ZSWIM4: variants seen among roughly 807,000 people sequenced by gnomAD.
The protein encoded by ZSWIM4 is zinc finger SWIM domain-containing protein 4.
In ZSWIM4, 62 loss-of-function variants were observed where a neutral mutation model predicts 102.5. That is an observed-to-expected ratio of 0.60 (90% confidence interval 0.49 to 0.75). The LOEUF (loss-of-function observed/expected upper bound fraction) is 0.75, where lower values mean the gene tolerates loss of function less well. ZSWIM4 is among the 30% of genes least tolerant of loss of function. The probability of loss-of-function intolerance (pLI) is 0.00; values close to 1 mark genes in which losing one functional copy is unlikely to be tolerated. For synonymous variants in ZSWIM4, 652 were observed against 674.5 expected (o/e 0.97, Z 0.52); for missense variants, 1,280 against 1,529.6 (o/e 0.84, Z 2.72).
chr19:13,795,791 C>A lies in ZSWIM4; in HGVS notation c.143C>A (p.Ala48Asp). Residue 48 changes from alanine to aspartate, a missense_variant, in exon 1 of 14, where the codon GCC becomes GAC. Transcript: ENST00000590508. ...GCCAAGCGGGTAGCCGAGAGCTGGG[C>A]CTTCGAGCAGGTGACCGCGGGGGAA... ...LSAKRVAESW[A>D]FEQVEERFSR... 2 of 1,251,884 alleles carry A rather than the reference C, an allele frequency of 1.6e-6. No individual in the cohort carries two copies. Among genetic ancestry groups the A allele is most frequent in the Non-Finnish European group, 2.0e-6 (2 of 997,560 alleles). The allele number at this position is 1,251,884 out of a possible 1,614,324, so 77.5% of individuals were successfully genotyped here. A position where few individuals can be genotyped will look rare whatever the true frequency, so the allele number is the denominator to read the frequency against.
In ZSWIM4 at chr19:13,808,993, CG is replaced by C; in HGVS notation, c.861+12del. ...GCTCCATGTTCAGCAAGGTGCCGTGCGGGCCGGCGGGGCGCGGGGTGCAGAA... is the reference window on the plus strand; with the variant it reads ...GCTCCATGTTCAGCAAGGTGCCGTGCGGCCGGCGGGGCGCGGGGTGCAGAA... On this transcript the variant is annotated intron_variant, in intron 4 of 13. Transcript: ENST00000590508. The C allele has an allele frequency of 6.2e-7, 1 of 1,609,656 alleles. No individual in the cohort carries two copies. The highest frequency in any genetic ancestry group is 2.2e-5 in the East Asian group (1 of 44,712).
rs954664029 is a variant in ZSWIM4 at position 13,808,705 on chromosome 19, C to G, written c.713-131C>G. 9.8e-6 allele frequency: 10 copies of G among 1,022,118 alleles called. No individual in the cohort carries two copies. The Admixed American group carries it at 1.5e-4, about 15-fold the overall frequency. The allele number at this position is 1,022,118 out of a possible 1,614,324, so 63.3% of individuals were successfully genotyped here. On this transcript the variant is annotated intron_variant, in intron 3 of 13. Coordinates refer to ENST00000590508, the MANE Select transcript of ZSWIM4 (RefSeq NM_001367834.3). ...AGTGAGCGAAGATCGTGCTACAGCA[C>G]TCCAGCCTGGGCAAGAAGAGCCAAA...
At position 13,805,118 on chromosome 19, in the gene ZSWIM4, C is replaced by T. The variant is rs1338502140; in HGVS notation, c.682C>T (p.Leu228=). The T allele has an allele frequency of 1.9e-6, 3 of 1,599,642 alleles. No individual in the cohort carries two copies. The African/African-American group carries it at 4.0e-5, about 21-fold the overall frequency. ...TCAGCGCTTGGCTGATGAGATCCTCCTGCTGGGCTCCGAGATCAACTTGGT... is the reference window on the plus strand; with the variant it reads ...TCAGCGCTTGGCTGATGAGATCCTCTTGCTGGGCTCCGAGATCAACTTGGT... ...TAQRLADEIL[L]LGSEINLVNG... The change falls in exon 3 of 14, where the codon CTG becomes TTG. Residue 228 remains leucine, a synonymous_variant. Coordinates refer to ENST00000590508, the MANE Select transcript of ZSWIM4 (RefSeq NM_001367834.3).
At chr19:13,821,120 C>T (rs1252363686) in intron 10 of ZSWIM4, among the ~76,000 whole-genome samples, 2 of 151,992 alleles carry the variant, frequency 1.3e-5, no homozygotes, top group African/African-American at 4.8e-5. Flanking sequence ...CCTATCTCTA[C>T]TAAAAATACA....
chr19:13,798,882 G>A (rs1599576219), intron 1 of ZSWIM4, among the ~76,000 whole-genome samples: 1 of 152,210 alleles, frequency 6.6e-6, no homozygotes, highest in African/African-American at 2.4e-5. Flanking sequence ...TCCGCCTCCC[G>A]GGTTCAAGTG....
chr19:13,811,505 G>A (rs922539040), intron 5 of ZSWIM4, among the ~76,000 whole-genome samples: 11 of 151,834 alleles, frequency 7.2e-5, no homozygotes, highest in South Asian at 2.1e-4. Flanking sequence ...ACTCCAGCCC[G>A]GGCAACAGAG....
intron 2 of ZSWIM4, among the ~76,000 whole-genome samples, chr19:13,803,544 G>A (rs892293024): frequency 1.3e-5 from 2 of 151,974 alleles, no homozygotes; most frequent in East Asian, 3.9e-4. Flanking sequence ...CACTTTGGGA[G>A]GCCGAGGCGG....
rs1263958593 is a variant in ZSWIM4 at position 13,809,419 on chromosome 19, C to T, written c.1012+199C>T. Among the ~76,000 whole-genome samples the T allele has an allele frequency of 6.6e-6, 1 of 152,260 alleles. No homozygotes were observed. The highest frequency in any genetic ancestry group is 1.5e-5 in the Non-Finnish European group (1 of 68,048). On this transcript the variant is annotated intron_variant, in intron 5 of 13. Transcript: ENST00000590508. This position sits in a 1 kb window ranked among gnomAD's most constrained non-coding sequence, Gnocchi z 4.2. Reference sequence around the variant, plus strand: ...AACAAGAGAGTCAAAATCCTGTTCACGTGGATCTGACAGGAGGCACAGGCA... The same window carrying T: ...AACAAGAGAGTCAAAATCCTGTTCATGTGGATCTGACAGGAGGCACAGGCA...
At chr19:13,808,173 C>G (rs1974969496) in intron 3 of ZSWIM4, among the ~76,000 whole-genome samples, 1 of 152,140 alleles carries the variant, frequency 6.6e-6, no homozygotes, top group Non-Finnish European at 1.5e-5. Context: ...AGTCACCTCC[C>G]TCCATGCCCC....
Position 13,804,966 on chromosome 19 carries a change from G to C in ZSWIM4, c.530G>C (p.Arg177Pro). 6.2e-7 allele frequency: 1 copy of C among 1,613,046 alleles called. No individual in the cohort carries two copies. ...GTGGCCCTGTCCCTGTACCGCATTC[G>C]GCACGCCCACCAGGTGGAGCTGCGG... is the stretch of plus-strand genomic sequence containing the variant. ...HVVALSLYRI[R>P]HAHQVELRLP... Residue 177 changes from arginine (R) to proline (P), a missense_variant, in exon 3 of 14, where the codon CGG becomes CCG. Transcript: ENST00000590508.
At chr19:13,813,501 T>G in intron 6 of ZSWIM4, among the ~76,000 whole-genome samples, 1 of 148,124 alleles carries the variant, frequency 6.8e-6, no homozygotes, top group South Asian at 2.1e-4. Context: ...AAGGGGAAAG[T>G]GAGATATTGA....
Position 13,808,931 on chromosome 19 carries a change from T to A in ZSWIM4, c.808T>A (p.Ser270Thr). 6.2e-7 allele frequency: 1 copy of A among 1,611,018 alleles called. No individual in the cohort carries two copies. Among genetic ancestry groups the A allele is most frequent in the South Asian group, 1.1e-5 (1 of 90,682 alleles). Reference protein sequence around the residue: ...QIQEQVKQLLSNGGYYGASQQ... With the variant: ...QIQEQVKQLLTNGGYYGASQQ... Reference sequence around the variant, plus strand: ...CCAGGAGCAGGTGAAGCAGCTACTGTCCAATGGCGGCTACTACGGGGCCAG... The same window carrying A: ...CCAGGAGCAGGTGAAGCAGCTACTGACCAATGGCGGCTACTACGGGGCCAG... The change falls in exon 4 of 14, where the codon TCC becomes ACC. Residue 270 changes from serine to threonine, a missense_variant. Transcript: ENST00000590508.
rs549065070 is a variant in ZSWIM4, at chr19:13,825,121, C to A, written c.2216-429C>A. Among the ~76,000 whole-genome samples, 1 of 151,324 alleles carries A rather than the reference C, an allele frequency of 6.6e-6. No individual in the cohort carries two copies. Among genetic ancestry groups the A allele is most frequent in the Non-Finnish European group, 1.5e-5 (1 of 67,912 alleles). On this transcript the variant is annotated intron_variant, in intron 11 of 13. Transcript: ENST00000590508. This position sits in a 1 kb window ranked among gnomAD's most constrained non-coding sequence, Gnocchi z 4.6. ...GTGGTGCCATCTCAGCTGACTGCAA[C>A]CTCTGCCTCCCGGGTTCAAGCGATT...
intron 13 of ZSWIM4, among the ~76,000 whole-genome samples, chr19:13,829,542 G>C (rs972642214): frequency 2.0e-5 from 3 of 152,264 alleles, no homozygotes; most frequent in Non-Finnish European, 4.4e-5. Flanking sequence ...AGTGAGCCGA[G>C]AACTCACTAC....
In ZSWIM4 at chr19:13,809,073, C is replaced by T; in HGVS notation, c.865C>T (p.Arg289Trp). Residue 289 changes from arginine (R) to tryptophan (W), a missense_variant, in exon 5 of 14, where the codon CGG (arginine) becomes TGG (tryptophan). Coordinates refer to ENST00000590508, the MANE Select transcript of ZSWIM4 (RefSeq NM_001367834.3). The surrounding 1 kb of genome is among the most constrained non-coding windows in gnomAD (Gnocchi z 4.2). Reference protein sequence around the residue: ...QQLRSMFSKVREMLRMRDSNG... With the variant: ...QQLRSMFSKVWEMLRMRDSNG... Reference sequence around the variant, plus strand: ...CACCACCCTGTCCCCGGCACAGGTGCGGGAGATGCTGCGAATGCGGGACTC... The same window carrying T: ...CACCACCCTGTCCCCGGCACAGGTGTGGGAGATGCTGCGAATGCGGGACTC... 1 of 1,612,430 alleles carries T rather than the reference C, an allele frequency of 6.2e-7. No individual in the cohort carries two copies. The highest frequency in any genetic ancestry group is 2.2e-5 in the East Asian group (1 of 44,838).
Position 13,814,773 on chromosome 19 carries a change from C to T in ZSWIM4, c.1439C>T (p.Pro480Leu). The stretch of plus-strand genomic sequence containing the variant: ...GACACCCTGCGTGCCCACGGATACC[C>T]CCGCCAGGCCCTGCGGCTGGCAAGT... ...RVDTLRAHGY[P>L]RQALRLASAI... The change falls in exon 7 of 14, where the codon CCC (proline) becomes CTC (leucine). Residue 480 changes from proline (P) to leucine (L), a missense_variant. Physicochemically the swap from Pro to Leu is moderately conservative, Grantham distance 98. Transcript: ENST00000590508. The T allele has an allele frequency of 7.8e-7, 1 of 1,286,384 alleles. No homozygotes were observed. Among genetic ancestry groups the T allele is most frequent in the South Asian group, 1.2e-5 (1 of 80,876 alleles). 79.7% of individuals were successfully genotyped at this position (1,286,384 alleles called of 1,614,324 possible).
intron 10 of ZSWIM4, among the ~76,000 whole-genome samples, chr19:13,819,730 G>A (rs1039280512): frequency 4.0e-5 from 6 of 151,790 alleles, no homozygotes; most frequent in African/African-American, 9.7e-5. Flanking sequence ...GTGCAGTGGC[G>A]CGATCTCAGC....
chr19:13,822,338 C>T (rs550750635), intron 10 of ZSWIM4, among the ~76,000 whole-genome samples: 1 of 152,228 alleles, frequency 6.6e-6, no homozygotes, highest in Non-Finnish European at 1.5e-5. Context: ...TGGCCAACCA[C>T]CTGTTTTCGT....
intron 1 of ZSWIM4, among the ~76,000 whole-genome samples, chr19:13,798,115 A>ATTCTT (rs1012071896): frequency 7.2e-5 from 11 of 152,188 alleles, no homozygotes; most frequent in South Asian, 2.1e-4. Flanking sequence ...TAGTGTGTGC[A>ATTCTT]TTCTTTTCTT....
Sources: allele counts gnomAD v4.1 joint callset (sites outside exome capture counted in the v4.1 genomes callset), GRCh38; gene constraint gnomAD v4.1.1; non-coding constraint Gnocchi (gnomAD v3.1); transcripts MANE v1.5; gene names NCBI Gene and HGNC (gene_info 2026-07-23, HGNC 2026-07-21).